Variants in MED24 observed in about 807,000 individuals in gnomAD.
MED24 encodes the protein mediator complex subunit 24, also known as mediator of RNA polymerase II transcription subunit 24.
Under a neutral mutation model 118.8 loss-of-function variants are expected in MED24, and 74 were observed. The ratio of observed to expected loss-of-function variants is 0.62; its 90% CI spans 0.52 to 0.76. MED24 has a LOEUF of 0.76. Among genes scored for constraint, MED24 ranks in the 30% least tolerant of loss-of-function variants. The pLI is 0.00. For missense variants in MED24, 1,041 were observed against 1,278.9 expected (o/e 0.81, Z 2.84); for synonymous variants, 521 against 523.9 (o/e 0.99, Z 0.08).
At chr17:40,049,815 C>T (rs573138149) in intron 3 of MED24, among the ~76,000 whole-genome samples, 46 of 151,950 alleles carry the variant, frequency 3.0e-4, no homozygotes, top group African/African-American at 1.0e-3. Context: ...TGAGCCACCA[C>T]ACCCCACCTT....
intron 9 of MED24, 108 bp downstream of exon 9, chr17:40,032,541 C>T: frequency 3.8e-6 from 3 of 783,650 alleles, no homozygotes; most frequent in Non-Finnish European, 6.2e-6. Flanking sequence ...ACCTGGCAGG[C>T]TGGGCCCAGT....
chr17:40,031,513 C>G (rs746709832), intron 11 of MED24, 25 bp downstream of exon 11: 2 of 1,604,372 alleles, frequency 1.2e-6, no homozygotes, highest in Non-Finnish European at 1.7e-6. Flanking sequence ...TCCAGTAGGG[C>G]GGGGGTGACC....
rs1369481985 is a variant in MED24, at chr17:40,047,620, C to T, written c.213+5678G>A. Among the ~76,000 whole-genome samples the T allele has an allele frequency of 4.7e-5, 7 of 150,486 alleles. No individual in the cohort carries two copies. In the East Asian group the frequency reaches 1.0e-3, roughly 21 times the overall value. The stretch of plus-strand genomic sequence containing the variant: ...GAGGTTGCAGTGAGCTGAGATTGCC[C>T]TACTGCACTCCAGCCCAGGCAACAG... On this transcript the variant is annotated intron_variant, in intron 3 of 25. Transcript: ENST00000394128.
intron 19 of MED24, among the ~76,000 whole-genome samples, chr17:40,025,458 A>T (rs1472026979): frequency 6.6e-6 from 1 of 152,210 alleles, no homozygotes; most frequent in Non-Finnish European, 1.5e-5. Context: ...TCTCAACAAC[A>T]ACAACAACAA....
chr17:40,034,541 G>A (rs550904672), intron 6 of MED24, among the ~76,000 whole-genome samples: 3 of 152,100 alleles, frequency 2.0e-5, no homozygotes, highest in African/African-American at 7.2e-5. Context: ...CTTCCCTCCC[G>A]CCAGGTGATC....
intron 3 of MED24, among the ~76,000 whole-genome samples, chr17:40,040,823 C>T (rs767734470): frequency 6.6e-6 from 1 of 152,016 alleles, no homozygotes; most frequent in Non-Finnish European, 1.5e-5. Context: ...GCCATGTTGG[C>T]CAGGCTGGTC....
At chr17:40,040,583 C>T (rs1984453740) in intron 3 of MED24, among the ~76,000 whole-genome samples, 1 of 151,434 alleles carries the variant, frequency 6.6e-6, no homozygotes, top group African/African-American at 2.4e-5. Context: ...ATCTCTGCTA[C>T]TCTTCACACA....
chr17:40,032,264 T>A, intron 9 of MED24, 174 bp from the exon 10 acceptor site: 1 of 705,220 alleles, frequency 1.4e-6, no homozygotes, highest in South Asian at 1.8e-5. Context: ...CCCAGGCCCC[T>A]GATGCCCCCA....
At chr17:40,046,463 A>T (rs1985216607) in intron 3 of MED24, among the ~76,000 whole-genome samples, 2 of 150,114 alleles carry the variant, frequency 1.3e-5, no homozygotes, top group East Asian at 4.0e-4. Flanking sequence ...TAAGAAGAAA[A>T]GGCCGGGCGC....
rs1050393683 is a variant in MED24 at position 40,032,098 on chromosome 17, G to A, written c.937-8C>T. 41 of 1,613,510 alleles carry A rather than the reference G, an allele frequency of 2.5e-5. No individual in the cohort carries two copies. Among genetic ancestry groups the A allele is most frequent in the Non-Finnish European group, 3.4e-5 (40 of 1,179,732 alleles). ...CACCAAAACCTGTGGAATCTAGGGG[G>A]TGAGGCAGGGGGAAAAACAGGAAGA... On this transcript the variant is annotated splice_region_variant and splice_polypyrimidine_tract_variant and intron_variant, in intron 9 of 25. Coordinates refer to ENST00000394128, the MANE Select transcript of MED24 (RefSeq NM_014815.4).
In MED24 at chr17:40,019,356, G is replaced by C; in HGVS notation, c.*173C>G. 1.6e-6 allele frequency: 1 copy of C among 618,596 alleles called. No homozygotes were observed. Among genetic ancestry groups the C allele is most frequent in the Non-Finnish European group, 2.8e-6 (1 of 354,326 alleles). The allele number at this position is 618,596 out of a possible 1,614,324, so 38.3% of individuals were successfully genotyped here. On this transcript the variant is annotated 3_prime_UTR_variant, in exon 26 of 26. Transcript: ENST00000394128. ...AGAGGAAATTTTGAAAGAAGAAACC[G>C]GGAGACATCCTGGAGGTCAGGAGTC...
chr17:40,037,170 G>C (rs1984034268), intron 3 of MED24, among the ~76,000 whole-genome samples: 1 of 151,742 alleles, frequency 6.6e-6, no homozygotes, highest in Non-Finnish European at 1.5e-5. Context: ...GACAGAGTGA[G>C]ACTCTGTCAA....
In MED24 at chr17:40,035,374, A is replaced by G; in HGVS notation, c.327-25T>C. 1.3e-6 allele frequency: 2 copies of G among 1,550,814 alleles called. 1 individual carries two copies. Among genetic ancestry groups the G allele is most frequent in the South Asian group, 2.4e-5 (2 of 82,152 alleles). ...GCTACAGGGAAGGATGCAAAATCAG[A>G]CTCTGTTCTTCCAATGGCTGAAATC... On this transcript the variant is annotated intron_variant, in intron 5 of 25. Coordinates refer to ENST00000394128, the MANE Select transcript of MED24 (RefSeq NM_014815.4).
chr17:40,022,156 T>C (rs1256753410), intron 22 of MED24, 102 bp from the exon 23 acceptor site: 3 of 999,252 alleles, frequency 3.0e-6, no homozygotes, highest in African/African-American at 3.3e-5. Flanking sequence ...TCAGCATGGC[T>C]AGCAGGGCCT....
chr17:40,039,751 T>A (rs1303878979), intron 3 of MED24, among the ~76,000 whole-genome samples: 1 of 150,992 alleles, frequency 6.6e-6, no homozygotes, highest in African/African-American at 2.4e-5. Flanking sequence ...CCTAAGTAGC[T>A]GGGACTACAG....
At chr17:40,043,022 G>A (rs1020814987) in intron 3 of MED24, among the ~76,000 whole-genome samples, 21 of 152,210 alleles carry the variant, frequency 1.4e-4, no homozygotes, top group African/African-American at 5.1e-4. Context: ...TGTGATCTCA[G>A]CTCACCGCAA....
At chr17:40,050,957 A>G (rs1330274117) in intron 3 of MED24, among the ~76,000 whole-genome samples, 2 of 151,944 alleles carry the variant, frequency 1.3e-5, no homozygotes, top group African/African-American at 4.8e-5. Context: ...ACTAACGTGG[A>G]GAAACCCAGT....
Position 40,022,610 on chromosome 17 carries a change from G to A in MED24, c.2432+35C>T, listed in dbSNP as rs34029479. 4.0e-3 allele frequency: 6,482 copies of A among 1,610,698 alleles called. 258 individuals are homozygous for A. In the African/African-American group the frequency reaches 0.075, roughly 19 times the overall value. On this transcript the variant is annotated intron_variant, in intron 21 of 25. Transcript: ENST00000394128. ...AGGCGAGGGGTGCTTGACCCTGGGT[G>A]GCCGGAGCAGGGCAAGCTCTGAAGA...
chr17:40,027,700 G>C (rs763513977), intron 15 of MED24: 13 of 675,490 alleles, frequency 1.9e-5, no homozygotes, highest in Admixed American at 1.1e-4. Flanking sequence ...AGGGATGAGG[G>C]GGGGAAGGAG....
Sources: gnomAD v4.1 joint callset for allele counts (sites outside exome capture counted in the v4.1 genomes callset) on GRCh38, gnomAD v4.1.1 for gene constraint, MANE v1.5 for transcripts, NCBI Gene and HGNC (gene_info 2026-07-23, HGNC 2026-07-21) for gene names.